The following PELI2 variants were observed in gnomAD, a reference collection of about 807,000 sequenced individuals.
PELI2 encodes the protein E3 ubiquitin-protein ligase pellino homolog 2.
In PELI2, 23 loss-of-function variants were observed where a neutral mutation model predicts 42.3. That is an observed-to-expected ratio of 0.54 (90% CI 0.39 to 0.77). PELI2 has a LOEUF of 0.77. Among genes scored for constraint, PELI2 ranks in the 30% least tolerant of loss-of-function variants. The pLI is 0.00. For synonymous variants in PELI2, 245 were observed against 212.2 expected (o/e 1.15, Z -1.34); for missense variants, 463 against 553.2 (o/e 0.84, Z 1.64).
intron 1 of PELI2, among the ~76,000 whole-genome samples, chr14:56,133,840 T>C (rs1335185906): frequency 2.0e-5 from 3 of 152,178 alleles, no homozygotes; most frequent in African/African-American, 7.2e-5. Context: ...TGGGGCTCAT[T>C]CAGCTGCCAT....
chr14:56,188,883 G>A (rs528745451), intron 2 of PELI2, among the ~76,000 whole-genome samples: 1 of 152,270 alleles, frequency 6.6e-6, no homozygotes, highest in East Asian at 1.9e-4. Flanking sequence ...ATTTAGGCTG[G>A]TCGCAGTGGC....
At position 56,197,812 on chromosome 14, in the gene PELI2, C is replaced by T. The variant is rs186197879; in HGVS notation, c.207+19348C>T. On this transcript the variant is annotated intron_variant, in intron 2 of 5. Coordinates refer to ENST00000267460, the MANE Select transcript of PELI2 (RefSeq NM_021255.3). This position sits in a 1 kb window ranked among gnomAD's most constrained non-coding sequence, Gnocchi z 4.9. The stretch of plus-strand genomic sequence containing the variant: ...GCAAGAGGGAATTATCAGCAGATGG[C>T]CTTCAGACTTGAACTGCAGTCTTGG... 7.9e-5 allele frequency among the ~76,000 whole-genome samples: 12 copies of T among 152,116 alleles called. No individual in the cohort carries two copies. Among genetic ancestry groups the T allele is most frequent in the Admixed American group, 3.9e-4 (6 of 15,274 alleles).
chr14:56,259,099 G>C (rs1377468821), intron 2 of PELI2, among the ~76,000 whole-genome samples: 1 of 152,084 alleles, frequency 6.6e-6, no homozygotes, highest in Non-Finnish European at 1.5e-5. Context: ...AACAAAGGGA[G>C]ACTATCACCC....
chr14:56,164,968 T>G (rs1594600643), intron 1 of PELI2, among the ~76,000 whole-genome samples: 1 of 54,244 alleles, frequency 1.8e-5, no homozygotes, highest in South Asian at 1.0e-3. Flanking sequence ...ATTTTGTTGG[T>G]TTTTTTTTTT....
intron 2 of PELI2, among the ~76,000 whole-genome samples, chr14:56,263,488 A>G (rs1888795887): frequency 1.3e-5 from 2 of 152,212 alleles, no homozygotes; most frequent in South Asian, 4.1e-4. Context: ...AATGATTGCC[A>G]CAGAATAGAA....
At chr14:56,149,656 T>G (rs1223493544) in intron 1 of PELI2, among the ~76,000 whole-genome samples, 4 of 152,174 alleles carry the variant, frequency 2.6e-5, no homozygotes, top group African/African-American at 9.7e-5. Context: ...GTTGCTCTGG[T>G]AGATTAATTT....
chr14:56,285,378 G>T (rs1566684165), intron 3 of PELI2, among the ~76,000 whole-genome samples: 1 of 152,184 alleles, frequency 6.6e-6, no homozygotes, highest in African/African-American at 2.4e-5. Context: ...GGAAGCCCCA[G>T]GGTGAAGGGG....
chr14:56,129,718 A>G (rs10134875), intron 1 of PELI2, among the ~76,000 whole-genome samples: 79,512 of 152,082 alleles, frequency 0.52, 21,143 homozygotes, highest in African/African-American at 0.62. Flanking sequence ...TCAAGCAGGG[A>G]TGGACTTGTC....
At position 56,290,438 on chromosome 14, in the gene PELI2, C is replaced by T; in HGVS notation, c.678C>T (p.Ala226=). Residue 226 remains alanine, a synonymous_variant, in exon 5 of 6, where the codon GCC becomes GCT. Coordinates refer to ENST00000267460, the MANE Select transcript of PELI2 (RefSeq NM_021255.3). The part of the protein sequence containing the change: ...DVYTLRETRS[A]QQRGKLVESE... ...ACACCTTGCGAGAAACCAGGTCGGC[C>T]CAGCAACGAGGAAAGCTGGTGAGTG... The T allele has an allele frequency of 6.2e-7, 1 of 1,602,338 alleles. No individual in the cohort carries two copies. The highest frequency in any genetic ancestry group is 8.5e-7 in the Non-Finnish European group (1 of 1,172,284).
intron 1 of PELI2, among the ~76,000 whole-genome samples, chr14:56,135,798 T>G (rs1361339602): frequency 6.6e-6 from 1 of 152,240 alleles, no homozygotes; most frequent in Non-Finnish European, 1.5e-5. Flanking sequence ...TGGCTTTATG[T>G]AGTAAAGACC....
At chr14:56,126,949 A>G (rs186291899) in intron 1 of PELI2, among the ~76,000 whole-genome samples, 58 of 152,356 alleles carry the variant, frequency 3.8e-4, no homozygotes, top group Non-Finnish European at 7.1e-4. Context: ...AAATAAATTC[A>G]TTAAGTTTTT....
At chr14:56,213,065 C>G (rs1476922625) in intron 2 of PELI2, among the ~76,000 whole-genome samples, 1 of 152,120 alleles carries the variant, frequency 6.6e-6, no homozygotes, top group East Asian at 1.9e-4. Flanking sequence ...CAGTCATTGC[C>G]CTTCAGTCTT....
chr14:56,274,860 A>C (rs1461512674), intron 2 of PELI2, among the ~76,000 whole-genome samples: 1 of 152,210 alleles, frequency 6.6e-6, no homozygotes, highest in East Asian at 1.9e-4. Flanking sequence ...TAAAGCTGAA[A>C]TTCTTTAATC....
At chr14:56,248,159 TA>T (rs1566663226) in intron 2 of PELI2, among the ~76,000 whole-genome samples, 1 of 152,198 alleles carries the variant, frequency 6.6e-6, no homozygotes, top group Admixed American at 6.5e-5. Context: ...CCATTAAAAG[TA>T]GTTGCCTAAA....
intron 2 of PELI2, among the ~76,000 whole-genome samples, chr14:56,210,613 T>C (rs1886680083): frequency 6.6e-6 from 1 of 152,154 alleles, no homozygotes; most frequent in South Asian, 2.1e-4. Flanking sequence ...CATAAAGATG[T>C]GATGAGACCC....
intron 2 of PELI2, among the ~76,000 whole-genome samples, chr14:56,234,332 C>G (rs1354746853): frequency 6.6e-6 from 1 of 152,128 alleles, no homozygotes; most frequent in Non-Finnish European, 1.5e-5. Flanking sequence ...TTCACAATAG[C>G]AAAGACCTGG....
At chr14:56,118,982 C>T (rs1430137528) in intron 1 of PELI2, 10 of 237,196 alleles carry the variant, frequency 4.2e-5, no homozygotes, top group Non-Finnish European at 7.2e-5. Flanking sequence ...GAGGAAGTGG[C>T]CAGAACTCGG....
intron 2 of PELI2, among the ~76,000 whole-genome samples, chr14:56,250,413 C>A (rs1353317454): frequency 1.3e-5 from 2 of 151,956 alleles, no homozygotes; most frequent in Non-Finnish European, 2.9e-5. Context: ...CACATCATCA[C>A]AAGGTGAAGT....
At chr14:56,171,785 G>A (rs918245996) in intron 1 of PELI2, among the ~76,000 whole-genome samples, 5 of 148,558 alleles carry the variant, frequency 3.4e-5, no homozygotes, top group South Asian at 2.1e-4. Context: ...GGAGGCTGAG[G>A]TGGGCGGATC....
Sources: gnomAD v4.1 joint callset for allele counts (sites outside exome capture counted in the v4.1 genomes callset) on GRCh38, gnomAD v4.1.1 for gene constraint, Gnocchi (gnomAD v3.1) non-coding constraint, MANE v1.5 for transcripts, NCBI Gene and HGNC (gene_info 2026-07-23, HGNC 2026-07-21) for gene names.